The following LTBP2 variants were observed in gnomAD, a reference collection of about 807,000 sequenced individuals.
The protein encoded by LTBP2 is latent transforming growth factor beta binding protein 2.
A neutral mutation model predicts 210.6 loss-of-function variants in LTBP2; 103 were observed. The observed-to-expected ratio is 0.49, with a 90% CI of 0.42 to 0.58. The LOEUF (loss-of-function observed/expected upper bound fraction) is 0.58, where lower values mean the gene tolerates loss of function less well. LTBP2 is among the 20% of genes least tolerant of loss of function. The pLI is 0.00. For synonymous variants in LTBP2, 1,007 were observed against 1,015.0 expected, an observed-to-expected ratio of 0.99 and a Z score of 0.15; for missense variants, 2,313 against 2,494.5, an observed-to-expected ratio of 0.93 and a Z score of 1.55.
intron 3 of LTBP2, among the ~76,000 whole-genome samples, chr14:74,581,852 G>C (rs1040500626): frequency 2.0e-5 from 3 of 152,072 alleles, no homozygotes; most frequent in African/African-American, 7.2e-5. Flanking sequence ...TGTGCAGAGA[G>C]GAAGAGATCC....
At chr14:74,543,552 C>CCTT (rs1566631193) in intron 8 of LTBP2, among the ~76,000 whole-genome samples, 20 of 66,672 alleles carry the variant, frequency 3.0e-4, no homozygotes, top group African/African-American at 1.1e-3. Context: ...CTCCCTCCCT[C>CCTT]CCTTCCTTCC....
chr14:74,552,093 C>T, intron 6 of LTBP2, 94 bp downstream of exon 6: 1 of 1,196,712 alleles, frequency 8.4e-7, no homozygotes, highest in Non-Finnish European at 1.2e-6. Flanking sequence ...GGACTACAGG[C>T]AGCTTCCCTA....
chr14:74,512,420 C>T (rs922102548), intron 18 of LTBP2, among the ~76,000 whole-genome samples: 3 of 152,200 alleles, frequency 2.0e-5, no homozygotes, highest in African/African-American at 7.2e-5. Flanking sequence ...CTACTCAGCA[C>T]CTATGGAGGA....
At chr14:74,545,263 TG>T (rs1239154592) in intron 8 of LTBP2, among the ~76,000 whole-genome samples, 1 of 152,204 alleles carries the variant, frequency 6.6e-6, no homozygotes, top group Non-Finnish European at 1.5e-5. Flanking sequence ...TCAGCCTTCT[TG>T]GAGCTCCATT....
chr14:74,537,966 G>C (rs995619554), intron 8 of LTBP2, among the ~76,000 whole-genome samples: 3 of 152,190 alleles, frequency 2.0e-5, no homozygotes, highest in Admixed American at 1.3e-4. Flanking sequence ...TGTTGGCCAG[G>C]CTGGTTTTGA....
At chr14:74,598,658 G>A (rs1312761183) in intron 2 of LTBP2, among the ~76,000 whole-genome samples, 4 of 152,118 alleles carry the variant, frequency 2.6e-5, no homozygotes, top group Admixed American at 2.6e-4. Flanking sequence ...TGGGAGACAG[G>A]GCCCAATGTT....
At chr14:74,522,127 C>A in intron 16 of LTBP2, 88 bp from the exon 17 acceptor site, 1 of 1,452,094 alleles carries the variant, frequency 6.9e-7, no homozygotes, top group Non-Finnish European at 9.5e-7. Flanking sequence ...ACACTAGGGG[C>A]TGGGCAGGGG....
chr14:74,509,291 CAGG>C lies in LTBP2; in HGVS notation c.3347_3349del (p.Ser1116del), dbSNP rs1252428573. The C allele has an allele frequency of 6.2e-7, 1 of 1,613,556 alleles. No homozygotes were observed. Among genetic ancestry groups the C allele is most frequent in the African/African-American group, 1.3e-5 (1 of 74,932 alleles). On this transcript the variant is annotated inframe_deletion, in exon 22 of 36. Transcript: ENST00000261978. ...CCGGTAGCCCCCATCGCAGTCCTTGCAGGAGAAGGAGCCAGCCGTGTTGGTGCA... is the reference window on the plus strand; with the variant it reads ...CCGGTAGCCCCCATCGCAGTCCTTGCAGAAGGAGCCAGCCGTGTTGGTGCA...
chr14:74,542,280 T>G (rs2139735493), intron 8 of LTBP2, among the ~76,000 whole-genome samples: 1 of 152,212 alleles, frequency 6.6e-6, no homozygotes, highest in East Asian at 1.9e-4. Flanking sequence ...AAGAAGCAGA[T>G]GGGCCCCTGG....
chr14:74,554,905 G>A (rs2087709697), intron 4 of LTBP2, among the ~76,000 whole-genome samples: 1 of 151,938 alleles, frequency 6.6e-6, no homozygotes, highest in Non-Finnish European at 1.5e-5. Context: ...TGATAGGCAG[G>A]AAGTTGAGGA....
chr14:74,579,045 C>A (rs1033578249), intron 3 of LTBP2, among the ~76,000 whole-genome samples: 1 of 152,176 alleles, frequency 6.6e-6, no homozygotes, highest in Non-Finnish European at 1.5e-5. Flanking sequence ...TTAGTAGAGA[C>A]GGGGTTTCGC....
At chr14:74,594,223 C>G (rs770746952) in intron 2 of LTBP2, among the ~76,000 whole-genome samples, 1 of 152,142 alleles carries the variant, frequency 6.6e-6, no homozygotes, top group Non-Finnish European at 1.5e-5. Flanking sequence ...CACCCTACCC[C>G]CCGGGCAAGG....
intron 18 of LTBP2, among the ~76,000 whole-genome samples, chr14:74,515,636 T>C (rs921618494): frequency 6.6e-5 from 10 of 152,234 alleles, no homozygotes; most frequent in African/African-American, 2.4e-4. Flanking sequence ...TAAAGTCTAA[T>C]GTCAAATTCA....
intron 3 of LTBP2, among the ~76,000 whole-genome samples, chr14:74,557,223 T>C (rs535545168): frequency 6.6e-6 from 1 of 152,318 alleles, no homozygotes; most frequent in South Asian, 2.1e-4. Context: ...ATCATGCCAC[T>C]GCACTCCAGC....
chr14:74,562,377 C>T (rs1323379130), intron 3 of LTBP2, among the ~76,000 whole-genome samples: 1 of 152,128 alleles, frequency 6.6e-6, no homozygotes, highest in Non-Finnish European at 1.5e-5. Flanking sequence ...TATCAGGTGG[C>T]AGGTATCATG....
chr14:74,516,953 C>G lies in LTBP2; in HGVS notation c.2789-12G>C, dbSNP rs1411478011. On this transcript the variant is annotated splice_polypyrimidine_tract_variant and intron_variant, in intron 17 of 35. Transcript: ENST00000261978. ...ACACTCATTGATATCTGTGAACACA[C>G]AGAAAAGCCCTGAGTCACAGCCAGC... 12 of 1,550,548 alleles carry G rather than the reference C, an allele frequency of 7.7e-6. No individual in the cohort carries two copies. The highest frequency in any genetic ancestry group is 1.4e-5 in the African/African-American group (1 of 73,050).
chr14:74,541,991 G>A (rs758690951), intron 8 of LTBP2, among the ~76,000 whole-genome samples: 3 of 152,192 alleles, frequency 2.0e-5, no homozygotes, highest in Non-Finnish European at 4.4e-5. Context: ...GAGAGAGAGT[G>A]GCTAAGCTGT....
intron 3 of LTBP2, among the ~76,000 whole-genome samples, chr14:74,574,139 A>G (rs982385307): frequency 2.0e-5 from 3 of 152,222 alleles, no homozygotes. Context: ...TTACTTTAGC[A>G]TAACCCTAAC....
chr14:74,499,771 C>T lies in LTBP2; in HGVS notation c.*1113G>A, dbSNP rs1043337000. 4.4e-6 allele frequency: 1 copy of T among 228,048 alleles called. No individual in the cohort carries two copies. The highest frequency in any genetic ancestry group is 8.7e-6 in the Non-Finnish European group (1 of 114,978). 14.1% of individuals were successfully genotyped at this position (228,048 alleles called of 1,614,324 possible). A position where few individuals can be genotyped will look rare whatever the true frequency, so the allele number is the denominator to read the frequency against. On this transcript the variant is annotated 3_prime_UTR_variant, in exon 36 of 36. Transcript: ENST00000261978. ...AACAGAAGAGACCAGATGCACATTTCTTTATTCCACCATGGTTCTGAACTC... is the reference window on the plus strand; with the variant it reads ...AACAGAAGAGACCAGATGCACATTTTTTTATTCCACCATGGTTCTGAACTC...
Sources: allele counts gnomAD v4.1 joint callset (sites outside exome capture counted in the v4.1 genomes callset), GRCh38; gene constraint gnomAD v4.1.1; transcripts MANE v1.5; gene names NCBI Gene and HGNC (gene_info 2026-07-23, HGNC 2026-07-21).